The following PTGER4 variants were observed in gnomAD, a reference collection of about 807,000 sequenced individuals.
PTGER4 encodes the protein prostaglandin E2 receptor EP4 subtype.
In PTGER4, 11 loss-of-function variants were observed where a neutral mutation model predicts 33.2. That is an observed-to-expected ratio of 0.33 (90% confidence interval 0.21 to 0.55). The LOEUF (loss-of-function observed/expected upper bound fraction) is 0.55. Among genes scored for constraint, PTGER4 ranks in the 20% least tolerant of loss-of-function variants. PTGER4 has a pLI of 0.92. For missense variants in PTGER4, 481 were observed against 650.2 expected (o/e 0.74, Z 2.83); for synonymous variants, 275 against 281.5 (o/e 0.98, Z 0.23).
chr5:40,686,881 G>C (rs1741336086), intron 2 of PTGER4, among the ~76,000 whole-genome samples: 3 of 152,296 alleles, frequency 2.0e-5, no homozygotes, highest in African/African-American at 7.2e-5. Context: ...CTGGGTGACA[G>C]AGTGAGACCC....
chr5:40,738,923 A>C, the PTGER4 span, among the ~76,000 whole-genome samples: 4 of 152,172 alleles, frequency 2.6e-5, no homozygotes. Context: ...GAGTTGTAAG[A>C]GTTCTTCTAT....
At position 40,681,373 on chromosome 5, in the gene PTGER4, A is replaced by G. The variant is rs746610304; in HGVS notation, c.380A>G (p.Tyr127Cys). Residue 127 changes from tyrosine to cysteine, a missense_variant, in exon 2 of 3, where the codon TAC becomes TGC. By Grantham distance (194) the Tyr-to-Cys change is radical (BLOSUM62 -2). This residue lies in a region of PTGER4 where 43 missense variants were observed against 39.4 expected (regional missense o/e 1.09). Coordinates refer to ENST00000302472, the MANE Select transcript of PTGER4 (RefSeq NM_000958.3). The surrounding 1 kb of genome is among the most constrained non-coding windows in gnomAD (Gnocchi z 9.8). ...RYLAINHAYFYSHYVDKRLAG... is the reference protein window; with the variant it reads ...RYLAINHAYFCSHYVDKRLAG... ...CTGGCCATCAACCATGCCTATTTCT[A>G]CAGCCACTACGTGGACAAGCGATTG... The G allele has an allele frequency of 6.2e-7, 1 of 1,613,778 alleles. No homozygotes were observed. The highest frequency in any genetic ancestry group is 1.1e-5 in the South Asian group (1 of 91,092).
chr5:40,697,851 G>A (rs1741649675), downstream of PTGER4, among the ~76,000 whole-genome samples: 1 of 151,500 alleles, frequency 6.6e-6, no homozygotes, highest in African/African-American at 2.4e-5. Context: ...TATACAGTCA[G>A]GTACAGCGGC....
chr5:40,699,640 G>C, the PTGER4 span, among the ~76,000 whole-genome samples: 19 of 152,028 alleles, frequency 1.2e-4, no homozygotes, highest in South Asian at 2.1e-4. Flanking sequence ...TATCTAAAAT[G>C]GATAATCATC....
chr5:40,728,606 C>T, the PTGER4 span: 1 of 773,076 alleles, frequency 1.3e-6, no homozygotes, highest in Non-Finnish European at 1.9e-6. Context: ...ATTTTTACCC[C>T]TTACTCTGCC....
chr5:40,723,844 G>A, the PTGER4 span, among the ~76,000 whole-genome samples: 11,118 of 151,910 alleles, frequency 0.073, 441 homozygotes, highest in Non-Finnish European at 0.077. Flanking sequence ...CAGCCTGGGC[G>A]ACAGAGCAAG....
chr5:40,698,430 T>C (rs1203937786), downstream of PTGER4, among the ~76,000 whole-genome samples: 1 of 152,292 alleles, frequency 6.6e-6, no homozygotes, highest in South Asian at 2.1e-4. Flanking sequence ...CAGTACTTAA[T>C]GTCCTAAATT....
the PTGER4 span, among the ~76,000 whole-genome samples, chr5:40,739,619 T>C: frequency 6.6e-6 from 1 of 152,200 alleles, no homozygotes; most frequent in Admixed American, 6.5e-5. Context: ...TGCTGGCTCC[T>C]ACCTTTGCCT....
chr5:40,702,276 GACCCATCT>G, the PTGER4 span, among the ~76,000 whole-genome samples: 2 of 152,166 alleles, frequency 1.3e-5, no homozygotes, highest in African/African-American at 4.8e-5. Flanking sequence ...GTCTTCAAGA[GACCCATCT>G]CACACATAAT....
chr5:40,714,982 A>G, the PTGER4 span: 4 of 152,164 alleles, frequency 2.6e-5, no homozygotes, highest in East Asian at 5.8e-4. Flanking sequence ...ATTAGCAATG[A>G]CAGTATTGGT....
At chr5:40,728,249 A>G in the PTGER4 span, 3 of 987,504 alleles carry the variant, frequency 3.0e-6, no homozygotes, top group Non-Finnish European at 2.8e-6. Flanking sequence ...GCACCACTGC[A>G]CTGTACCCTG....
rs1741405731 is a variant in PTGER4, at chr5:40,689,205, T to A, written c.868-2574T>A. 2.6e-5 allele frequency among the ~76,000 whole-genome samples: 4 copies of A among 152,208 alleles called. 1 individual carries two copies. The South Asian group carries it at 8.3e-4, about 32-fold the overall frequency. On this transcript the variant is annotated intron_variant, in intron 2 of 2. Coordinates refer to ENST00000302472, the MANE Select transcript of PTGER4 (RefSeq NM_000958.3). ...AATAAGTTTAGGTCAGATTTTGCAA[T>A]GAGTGTAAGTTCTCAAAACAAAACA...
rs45613640 is a variant in PTGER4 at position 40,692,638 on chromosome 5, C to T, written c.*260C>T. On this transcript the variant is annotated 3_prime_UTR_variant, in exon 3 of 3. Transcript: ENST00000302472. Reference sequence around the variant, plus strand: ...TTGATGGCTGCGAAGACCTACCCTCCGTTTTTCTACTAGATAGGAGGATGG... The same window carrying T: ...TTGATGGCTGCGAAGACCTACCCTCTGTTTTTCTACTAGATAGGAGGATGG... 366 of 1,181,614 alleles carry T rather than the reference C, an allele frequency of 3.1e-4. 2 individuals carry two copies. The African/African-American group carries it at 5.2e-3, about 17-fold the overall frequency. 73.2% of individuals were successfully genotyped at this position (1,181,614 alleles called of 1,614,324 possible).
the PTGER4 span, among the ~76,000 whole-genome samples, chr5:40,746,035 T>C: frequency 2.6e-5 from 4 of 152,310 alleles, no homozygotes; most frequent in East Asian, 5.8e-4. Context: ...TTTTAATCCC[T>C]CCAGGGTCCA....
At chr5:40,706,047 T>G in the PTGER4 span, among the ~76,000 whole-genome samples, 2 of 152,128 alleles carry the variant, frequency 1.3e-5, no homozygotes, top group Non-Finnish European at 2.9e-5. Flanking sequence ...TTGCACACTG[T>G]TTACAATAGC....
At chr5:40,682,553 A>G (rs1741226049) in intron 2 of PTGER4, among the ~76,000 whole-genome samples, 1 of 152,198 alleles carries the variant, frequency 6.6e-6, no homozygotes, top group Admixed American at 6.5e-5. Context: ...TCTAATTCAT[A>G]TACAGGGCAG....
At position 40,693,402 on chromosome 5, in the gene PTGER4, A is replaced by C; in HGVS notation, c.*1024A>C. Reference sequence around the variant, plus strand: ...TAAGGAATTACCAAGAATATCCTTTAAAATTTAAAAGGATGGCAAGTTGCA... The same window carrying C: ...TAAGGAATTACCAAGAATATCCTTTCAAATTTAAAAGGATGGCAAGTTGCA... On this transcript the variant is annotated 3_prime_UTR_variant, in exon 3 of 3. Transcript: ENST00000302472. 1 of 984,084 alleles carries C rather than the reference A, an allele frequency of 1.0e-6. No individual in the cohort carries two copies. Among genetic ancestry groups the C allele is most frequent in the Non-Finnish European group, 1.2e-6 (1 of 828,220 alleles). 61.0% of individuals were successfully genotyped at this position (984,084 alleles called of 1,614,324 possible).
Position 40,693,409 on chromosome 5 carries a change from A to C in PTGER4, c.*1031A>C. 1 of 984,764 alleles carries C rather than the reference A, an allele frequency of 1.0e-6. No homozygotes were observed. Among genetic ancestry groups the C allele is most frequent in the Non-Finnish European group, 1.2e-6 (1 of 828,806 alleles). 61.0% of individuals were successfully genotyped at this position (984,764 alleles called of 1,614,324 possible). A position where few individuals can be genotyped will look rare whatever the true frequency, so the allele number is the denominator to read the frequency against. On this transcript the variant is annotated 3_prime_UTR_variant, in exon 3 of 3. Coordinates refer to ENST00000302472, the MANE Select transcript of PTGER4 (RefSeq NM_000958.3). ...TTACCAAGAATATCCTTTAAAATTT[A>C]AAAGGATGGCAAGTTGCATCAGAAA...
chr5:40,736,276 ACT>A, the PTGER4 span, among the ~76,000 whole-genome samples: 1 of 152,242 alleles, frequency 6.6e-6, no homozygotes. Flanking sequence ...AGGCAAAACC[ACT>A]GTCATTAAAT....
Sources: gnomAD v4.1 joint callset for allele counts (sites outside exome capture counted in the v4.1 genomes callset) on GRCh38, gnomAD v4.1.1 for gene constraint, gnomAD v4.1.1 regional missense constraint, Gnocchi (gnomAD v3.1) non-coding constraint, MANE v1.5 for transcripts, NCBI Gene and HGNC (gene_info 2026-07-23, HGNC 2026-07-21) for gene names.